ATP8B1: variants seen among roughly 807,000 people sequenced by gnomAD.
ATP8B1 encodes ATPase phospholipid transporting 8B1.
ATP8B1 carries 80 observed loss-of-function variants against 149.9 expected under a neutral mutation model. That is an observed-to-expected ratio of 0.53 (90% CI 0.45 to 0.64). The LOEUF (loss-of-function observed/expected upper bound fraction) is 0.64. Among genes scored for constraint, ATP8B1 ranks in the 30% least tolerant of loss-of-function variants. The probability of loss-of-function intolerance (pLI) is 0.00; values close to 1 mark genes in which losing one functional copy is unlikely to be tolerated. For synonymous variants in ATP8B1, 536 were observed against 562.8 expected (o/e 0.95, Z 0.67); for missense variants, 1,247 against 1,552.6 (o/e 0.80, Z 3.31).
At chr18:57,771,920 C>A (rs370568919) in intron 1 of ATP8B1, among the ~76,000 whole-genome samples, 2 of 152,242 alleles carry the variant, frequency 1.3e-5, no homozygotes, top group East Asian at 3.9e-4. Context: ...CCAATTTTCA[C>A]GATTAAAACT....
At chr18:57,747,453 CAAAAA>C (rs35857076) in intron 1 of ATP8B1, among the ~76,000 whole-genome samples, 1 of 136,114 alleles carries the variant, frequency 7.3e-6, no homozygotes, top group Non-Finnish European at 1.6e-5. Flanking sequence ...AACTCTATCT[CAAAAA>C]AAAAAAAAAA....
At chr18:57,688,959 A>G (rs895171552) in intron 12 of ATP8B1, among the ~76,000 whole-genome samples, 6 of 152,156 alleles carry the variant, frequency 3.9e-5, no homozygotes, top group African/African-American at 1.4e-4. Flanking sequence ...AGCCCTCTAC[A>G]AGGAGACAAG....
At chr18:57,702,851 C>T (rs1420366125) in intron 4 of ATP8B1, among the ~76,000 whole-genome samples, 1 of 117,070 alleles carries the variant, frequency 8.5e-6, no homozygotes. Context: ...GAGCGAAACT[C>T]CATCTCAAAA....
chr18:57,667,235 G>A, intron 19 of ATP8B1, 68 bp from the exon 20 acceptor site: 1 of 1,323,082 alleles, frequency 7.6e-7, no homozygotes, highest in Non-Finnish European at 1.1e-6. Context: ...TTTGTTTTTT[G>A]AGACAGCATC....
At chr18:57,697,910 A>G in intron 6 of ATP8B1, 43 bp from the exon 7 acceptor site, 1 of 1,497,704 alleles carries the variant, frequency 6.7e-7, no homozygotes, top group Non-Finnish European at 9.3e-7. Context: ...ATTTTAAGTT[A>G]CAGGCAAGGG....
chr18:57,751,577 A>T (rs2080020407), intron 1 of ATP8B1, among the ~76,000 whole-genome samples: 1 of 152,166 alleles, frequency 6.6e-6, no homozygotes, highest in Admixed American at 6.6e-5. Flanking sequence ...TCAAATGGGG[A>T]TCTACAAGGC....
intron 1 of ATP8B1, among the ~76,000 whole-genome samples, chr18:57,770,156 C>T (rs539710650): frequency 1.9e-4 from 29 of 151,328 alleles, no homozygotes; most frequent in African/African-American, 6.8e-4. Flanking sequence ...GCAACCTCTG[C>T]CTCCCAGGTT....
intron 1 of ATP8B1, among the ~76,000 whole-genome samples, chr18:57,770,140 C>T (rs912127899): frequency 2.0e-5 from 3 of 150,244 alleles, no homozygotes; most frequent in Non-Finnish European, 4.4e-5. Flanking sequence ...GCGATCTCAG[C>T]TCACTGCAAC....
chr18:57,694,702 T>C (rs763800631), intron 10 of ATP8B1, 32 bp from the exon 11 acceptor site: 9 of 1,406,938 alleles, frequency 6.4e-6, no homozygotes, highest in African/African-American at 2.8e-5. Context: ...TAGTCATCAG[T>C]TGGGAAAAAT....
intron 16 of ATP8B1, 68 bp from the exon 17 acceptor site, chr18:57,671,648 G>T: frequency 8.8e-7 from 1 of 1,136,674 alleles, no homozygotes; most frequent in Non-Finnish European, 1.3e-6. Context: ...TTTGAGACAG[G>T]GTCTTGCTCT....
chr18:57,717,342 G>A (rs1406643142), intron 2 of ATP8B1, among the ~76,000 whole-genome samples: 2 of 151,650 alleles, frequency 1.3e-5, no homozygotes, highest in African/African-American at 2.4e-5. Context: ...TCAGGAGATC[G>A]AGACCATCCT....
intron 1 of ATP8B1, among the ~76,000 whole-genome samples, chr18:57,757,783 G>A (rs573752702): frequency 7.2e-5 from 11 of 152,216 alleles, no homozygotes; most frequent in South Asian, 2.1e-4. Context: ...AAAGTATATC[G>A]TAAGAGTTTA....
Position 57,731,381 on chromosome 18 carries a change from A to ACT in ATP8B1, c.181+244_181+245dup. ...TATATATATATATATATATACACAC[A>ACT]CTAACAAAGACCTTAATGTATTTTC... On this transcript the variant is annotated intron_variant, in intron 2 of 27. Transcript: ENST00000648908. 6.8e-6 allele frequency: 2 copies of ACT among 293,688 alleles called. 1 individual carries two copies. The highest frequency in any genetic ancestry group is 5.7e-5 in the South Asian group (2 of 34,882). The allele number at this position is 293,688 out of a possible 1,614,324, so 18.2% of individuals were successfully genotyped here.
rs1015989471 is a variant in ATP8B1, at chr18:57,684,106, T to G, written c.1560A>C (p.Lys520Asn). 1 of 1,614,198 alleles carries G rather than the reference T, an allele frequency of 6.2e-7. No individual in the cohort carries two copies. The highest frequency in any genetic ancestry group is 1.1e-5 in the South Asian group (1 of 91,084). Reference protein sequence around the residue: ...HYLIEQIQSGKEPEVRQFFFL... With the variant: ...HYLIEQIQSGNEPEVRQFFFL... ...AGAAGAACTGTCGTACTTCTGGCTC[T>G]TTCCCTGACTGGATTTGCTCAATAA... The change falls in exon 15 of 28, where the codon AAA becomes AAC. Residue 520 changes from lysine (K) to asparagine (N), a missense_variant. By Grantham distance (94) the Lys-to-Asn change is moderately conservative (BLOSUM62 0). Coordinates refer to ENST00000648908, the MANE Select transcript of ATP8B1 (RefSeq NM_001374385.1).
At position 57,783,790 on chromosome 18, in the gene ATP8B1, G is replaced by A. The variant is rs551652505; in HGVS notation, c.-26+19208C>T. ...GCAGAGGTTGCAGTGAGCTGAGATC[G>A]CGCCACTGAACTCCAGCCTGGGTGG... On this transcript the variant is annotated intron_variant, in intron 1 of 27. Coordinates refer to ENST00000648908, the MANE Select transcript of ATP8B1 (RefSeq NM_001374385.1). Among the ~76,000 whole-genome samples, 20 of 152,128 alleles carry A rather than the reference G, an allele frequency of 1.3e-4. No homozygotes were observed. The South Asian group carries it at 3.7e-3, about 28-fold the overall frequency.
At chr18:57,762,112 T>TAC (rs932507966) in intron 1 of ATP8B1, among the ~76,000 whole-genome samples, 320 of 146,456 alleles carry the variant, frequency 2.2e-3, no homozygotes, top group African/African-American at 3.6e-3. Context: ...AATAATGAGA[T>TAC]ACACACACAC....
intron 2 of ATP8B1, among the ~76,000 whole-genome samples, chr18:57,708,975 AATTTTAC>A (rs1404912642): frequency 1.3e-5 from 2 of 152,154 alleles, no homozygotes; most frequent in Non-Finnish European, 2.9e-5. Flanking sequence ...TTGATCTCTT[AATTTTAC>A]ACTTCTGCCA....
At chr18:57,794,792 A>AAG (rs2080495466) in intron 1 of ATP8B1, among the ~76,000 whole-genome samples, 1 of 148,040 alleles carries the variant, frequency 6.8e-6, no homozygotes, top group African/African-American at 2.5e-5. Flanking sequence ...CTCCGCCTCA[A>AAG]AAAGAAAGAA....
chr18:57,756,229 A>T (rs2080078698), intron 1 of ATP8B1, among the ~76,000 whole-genome samples: 1 of 124,042 alleles, frequency 8.1e-6, no homozygotes. Flanking sequence ...ACACACACAC[A>T]CACACACATA....
Sources: gnomAD v4.1 joint callset for allele counts (sites outside exome capture counted in the v4.1 genomes callset) on GRCh38, gnomAD v4.1.1 for gene constraint, MANE v1.5 for transcripts, NCBI Gene and HGNC (gene_info 2026-07-23, HGNC 2026-07-21) for gene names.